SLC44A5: variants seen among roughly 807,000 people sequenced by gnomAD.
SLC44A5 encodes the protein solute carrier family 44 member 5.
In SLC44A5, 57 loss-of-function variants were observed where a neutral mutation model predicts 101.8. That is an observed-to-expected ratio of 0.56 (90% CI 0.45 to 0.70). The LOEUF is 0.70. Ranked by LOEUF, SLC44A5 falls within the 30% of genes least tolerant of loss-of-function variation. The pLI, the probability that SLC44A5 is intolerant of heterozygous loss-of-function variation, is 0.00. For synonymous variants in SLC44A5, 281 were observed against 290.9 expected (o/e 0.97, Z 0.35); for missense variants, 737 against 853.1 (o/e 0.86, Z 1.70).
At chr1:75,620,330 T>C in the SLC44A5 span, among the ~76,000 whole-genome samples, 16 of 152,304 alleles carry the variant, frequency 1.1e-4, no homozygotes, top group African/African-American at 3.9e-4. Context: ...TGATTTGTAA[T>C]CCTTTGGGTA....
chr1:75,339,334 G>A (rs1176577550), intron 4 of SLC44A5, among the ~76,000 whole-genome samples: 4 of 151,970 alleles, frequency 2.6e-5, no homozygotes, highest in Admixed American at 2.6e-4. Context: ...TTTTTGAAAA[G>A]TACAAACACT....
the SLC44A5 span, among the ~76,000 whole-genome samples, chr1:75,645,890 C>T: frequency 0.056 from 7,593 of 135,474 alleles, 1,294 homozygotes; most frequent in African/African-American, 0.1. Context: ...AAATAGGGAA[C>T]CCTTTCCCCA....
At chr1:75,237,376 G>T (rs1247542707) in intron 10 of SLC44A5, among the ~76,000 whole-genome samples, 1 of 152,062 alleles carries the variant, frequency 6.6e-6, no homozygotes, top group Non-Finnish European at 1.5e-5. Flanking sequence ...GAATTTAAAT[G>T]ATAAGATTAG....
In SLC44A5 at chr1:75,275,043, C is replaced by A. The variant is rs1409682652; in HGVS notation, c.176-1G>T. The A allele has an allele frequency of 6.2e-7, 1 of 1,612,122 alleles. No individual in the cohort carries two copies. On this transcript the variant is annotated splice_acceptor_variant, in intron 5 of 23. Transcript: ENST00000370859. LOFTEE classifies it high-confidence loss of function. ...CTTCTGGGGTCCCCATGTACCCAGG[C>A]TGCAGGAACAAGAAAGGACAAATAT...
At chr1:75,464,052 C>G (rs946259622) in intron 2 of SLC44A5, among the ~76,000 whole-genome samples, 11 of 151,850 alleles carry the variant, frequency 7.2e-5, no homozygotes, top group African/African-American at 2.7e-4. Context: ...GAAATCCCAT[C>G]TCTACTAAAA....
chr1:75,206,497 A>T, intron 23 of SLC44A5: 2 of 741,122 alleles, frequency 2.7e-6, no homozygotes, highest in Non-Finnish European at 4.6e-6. Flanking sequence ...CTGACTTCTT[A>T]GAATTAAGCA....
intron 13 of SLC44A5, among the ~76,000 whole-genome samples, chr1:75,225,789 T>C (rs1647182377): frequency 6.6e-6 from 1 of 152,210 alleles, no homozygotes; most frequent in Admixed American, 6.5e-5. Flanking sequence ...TATTTATCAG[T>C]ATTCCTAGAC....
chr1:75,602,521 C>A (rs1296257949), intron 1 of SLC44A5, among the ~76,000 whole-genome samples: 2 of 151,990 alleles, frequency 1.3e-5, no homozygotes, highest in African/African-American at 2.4e-5. Context: ...TTAAGATATC[C>A]CTGGACACAT....
At chr1:75,452,695 G>C (rs550067483) in intron 2 of SLC44A5, among the ~76,000 whole-genome samples, 1 of 152,232 alleles carries the variant, frequency 6.6e-6, no homozygotes, top group East Asian at 1.9e-4. Flanking sequence ...TAAGTAAAGG[G>C]TTGGAGAAAG....
chr1:75,356,346 G>C (rs1466375889), intron 3 of SLC44A5, among the ~76,000 whole-genome samples: 1 of 151,848 alleles, frequency 6.6e-6, no homozygotes, highest in Non-Finnish European at 1.5e-5. Context: ...CAGTGATATT[G>C]GTAATCCTGA....
chr1:75,278,159 AAAC>A (rs1652085131), intron 5 of SLC44A5, among the ~76,000 whole-genome samples: 1 of 152,286 alleles, frequency 6.6e-6, no homozygotes, highest in African/African-American at 2.4e-5. Context: ...AAGACATTAT[AAAC>A]AACAACAAAG....
rs148306421 is a variant in SLC44A5, at chr1:75,485,929, G to A, written c.13+55506C>T. 6.0e-3 allele frequency among the ~76,000 whole-genome samples: 906 copies of A among 152,010 alleles called. 4 individuals carry two copies. The highest frequency in any genetic ancestry group is 8.8e-3 in the Non-Finnish European group (601 of 67,968). Reference sequence around the variant, plus strand: ...TTCTCATGAGAACTCACTTACTATCGTAAGAACAGCAAGGGAGAAATCCAC... The same window carrying A: ...TTCTCATGAGAACTCACTTACTATCATAAGAACAGCAAGGGAGAAATCCAC... On this transcript the variant is annotated intron_variant, in intron 2 of 23. Transcript: ENST00000370859.
chr1:75,284,447 A>C (rs1652877837), intron 5 of SLC44A5, among the ~76,000 whole-genome samples: 1 of 152,224 alleles, frequency 6.6e-6, no homozygotes, highest in South Asian at 2.1e-4. Flanking sequence ...CAATCATATC[A>C]TTGGTGAACA....
At chr1:75,567,408 G>A (rs1672845752) in intron 1 of SLC44A5, among the ~76,000 whole-genome samples, 1 of 152,090 alleles carries the variant, frequency 6.6e-6, no homozygotes, top group Non-Finnish European at 1.5e-5. Context: ...TATAGATTAT[G>A]AGCAATGACA....
intron 4 of SLC44A5, among the ~76,000 whole-genome samples, chr1:75,338,369 T>C (rs1657611384): frequency 6.6e-6 from 1 of 152,220 alleles, no homozygotes; most frequent in Admixed American, 6.5e-5. Flanking sequence ...TGCTCTCTTA[T>C]CTATGGCCTA....
chr1:75,299,887 A>G (rs1654291969), intron 5 of SLC44A5, among the ~76,000 whole-genome samples: 1 of 151,528 alleles, frequency 6.6e-6, no homozygotes, highest in Admixed American at 6.6e-5. Flanking sequence ...ATGGTAGTGC[A>G]TGCCTGTAAT....
At chr1:75,402,350 T>G in intron 2 of SLC44A5, 1 of 269,072 alleles carries the variant, frequency 3.7e-6, no homozygotes, top group Non-Finnish European at 8.1e-6. Context: ...CGGGGTTTTT[T>G]AAGAAACAGA....
intron 2 of SLC44A5, among the ~76,000 whole-genome samples, chr1:75,426,185 G>A (rs2101579485): frequency 6.6e-6 from 1 of 152,296 alleles, no homozygotes; most frequent in East Asian, 1.9e-4. Flanking sequence ...GGGGAGGAGA[G>A]GAACTAGGTA....
intron 3 of SLC44A5, among the ~76,000 whole-genome samples, chr1:75,361,585 G>T (rs1569972041): frequency 6.6e-6 from 1 of 152,036 alleles, no homozygotes; most frequent in South Asian, 2.1e-4. Context: ...AAACGCTTTT[G>T]TGCATCTATT....
Sources: gnomAD v4.1 joint callset for allele counts (sites outside exome capture counted in the v4.1 genomes callset) on GRCh38, gnomAD v4.1.1 for gene constraint, MANE v1.5 for transcripts, NCBI Gene and HGNC (gene_info 2026-07-23, HGNC 2026-07-21) for gene names.